Variants in APLF observed in about 807,000 individuals in gnomAD.
APLF encodes the protein aprataxin and PNK-like factor.
In APLF, 61 loss-of-function variants were observed where a neutral mutation model predicts 55.6. The observed-to-expected ratio is 1.10, with a 90% CI of 0.89 to 1.36. The LOEUF is 1.36. APLF is among the 40% of genes most tolerant of loss of function. The pLI is 0.00. For synonymous variants in APLF, 207 were observed against 214.8 expected, an observed-to-expected ratio of 0.96 and a Z score of 0.32; for missense variants, 611 against 602.5, an observed-to-expected ratio of 1.01 and a Z score of -0.15.
chr2:68,494,669 G>C (rs1225825114), intron 2 of APLF, among the ~76,000 whole-genome samples: 1 of 151,994 alleles, frequency 6.6e-6, no homozygotes, highest in Non-Finnish European at 1.5e-5. Context: ...CCACTCTTTA[G>C]TAGGCCCCAT....
At chr2:68,482,860 A>G (rs576876213) in intron 1 of APLF, among the ~76,000 whole-genome samples, 24 of 152,084 alleles carry the variant, frequency 1.6e-4, no homozygotes, top group Admixed American at 1.0e-3. Context: ...TGAGCTCACA[A>G]TGGTTTGGCT....
At chr2:68,513,799 G>T in intron 5 of APLF, 119 bp downstream of exon 5, 1 of 1,158,892 alleles carries the variant, frequency 8.6e-7, no homozygotes, top group African/African-American at 1.6e-5. Context: ...TTGTGTAAGT[G>T]TATAGCCTAG....
intron 9 of APLF, among the ~76,000 whole-genome samples, chr2:68,573,371 T>C (rs1671535874): frequency 6.6e-6 from 1 of 152,102 alleles, no homozygotes; most frequent in South Asian, 2.1e-4. Context: ...GTTTGATGTG[T>C]AGTTTAAAAA....
At chr2:68,528,231 C>G in intron 6 of APLF, 1 of 1,181,892 alleles carries the variant, frequency 8.5e-7, no homozygotes, top group Non-Finnish European at 1.2e-6. Flanking sequence ...CGTGGGCCAC[C>G]ATGCCTGCCC....
At chr2:68,541,075 G>C (rs1036413249) in intron 7 of APLF, among the ~76,000 whole-genome samples, 11 of 152,104 alleles carry the variant, frequency 7.2e-5, no homozygotes, top group Admixed American at 7.2e-4. Flanking sequence ...TCAATGAGTG[G>C]TGTTTGGTAA....
At chr2:68,492,302 C>T (rs960660877) in intron 2 of APLF, among the ~76,000 whole-genome samples, 2 of 151,928 alleles carry the variant, frequency 1.3e-5, no homozygotes, top group South Asian at 2.1e-4. Flanking sequence ...CACGGTGAAA[C>T]GCCGTCTCTA....
At chr2:68,491,181 C>T (rs1023460953) in intron 2 of APLF, among the ~76,000 whole-genome samples, 15 of 152,136 alleles carry the variant, frequency 9.9e-5, no homozygotes, top group South Asian at 4.1e-4. Context: ...TATGTCTCAT[C>T]TTCATTCTGC....
At position 68,527,557 on chromosome 2, in the gene APLF, C is replaced by T. The variant is rs187739851; in HGVS notation, c.804+1315C>T. On this transcript the variant is annotated intron_variant, in intron 6 of 9. Coordinates refer to ENST00000303795, the MANE Select transcript of APLF (RefSeq NM_173545.3). ...AGACAGGGCAGTGGCCAGGCAGAAGCGCTCCTCACTTCCCAGAGTGTAAGG... is the reference window on the plus strand; with the variant it reads ...AGACAGGGCAGTGGCCAGGCAGAAGTGCTCCTCACTTCCCAGAGTGTAAGG... 6.5e-3 allele frequency among the ~76,000 whole-genome samples: 983 copies of T among 150,130 alleles called. 46 individuals carry two copies. Among genetic ancestry groups the T allele is most frequent in the Admixed American group, 0.056 (846 of 15,122 alleles).
At chr2:68,551,596 T>C (rs2104029720) in intron 8 of APLF, among the ~76,000 whole-genome samples, 1 of 143,950 alleles carries the variant, frequency 6.9e-6, no homozygotes, top group African/African-American at 2.7e-5. Context: ...ATTTAATTCT[T>C]CTTCTTCTTT....
At chr2:68,547,276 A>G (rs186321828) in intron 8 of APLF, among the ~76,000 whole-genome samples, 12 of 151,980 alleles carry the variant, frequency 7.9e-5, no homozygotes, top group African/African-American at 2.9e-4. Context: ...AATGTTCATG[A>G]TTGAATTATT....
chr2:68,539,672 A>T (rs1485035239), intron 7 of APLF, among the ~76,000 whole-genome samples: 2 of 152,212 alleles, frequency 1.3e-5, no homozygotes, highest in Admixed American at 1.3e-4. Context: ...ATCTCAATAG[A>T]GAAAAGTCAT....
rs372549652 is a variant in APLF at position 68,577,804 on chromosome 2, A to G, written c.1334-16A>G. 74 of 1,612,610 alleles carry G rather than the reference A, an allele frequency of 4.6e-5. No homozygotes were observed. Among genetic ancestry groups the G allele is most frequent in the Non-Finnish European group, 6.2e-5 (73 of 1,179,074 alleles). On this transcript the variant is annotated splice_polypyrimidine_tract_variant and intron_variant, in intron 9 of 9. Transcript: ENST00000303795. ...GTGGTGATTGATGTGTTGTGTACCA[A>G]TCTTCTGTTTTGCAGTGAGAAATGT... is the stretch of plus-strand genomic sequence containing the variant.
intron 9 of APLF, among the ~76,000 whole-genome samples, chr2:68,570,600 A>T (rs1185348056): frequency 6.6e-6 from 1 of 152,110 alleles, no homozygotes; most frequent in Non-Finnish European, 1.5e-5. Context: ...AGCTTCATCC[A>T]TGTCCCTGCA....
chr2:68,516,808 G>A (rs1022871877), intron 5 of APLF, among the ~76,000 whole-genome samples: 2 of 143,178 alleles, frequency 1.4e-5, no homozygotes, highest in African/African-American at 5.2e-5. Context: ...TGGTGTATTT[G>A]TATATATATA....
In APLF at chr2:68,537,057, C is replaced by T. The variant is rs532847792; in HGVS notation, c.805-815C>T. On this transcript the variant is annotated intron_variant, in intron 6 of 9. Coordinates refer to ENST00000303795, the MANE Select transcript of APLF (RefSeq NM_173545.3). ...GCATGTGCCTGTAATCCCAGCTACT[C>T]GGGAGCCTGAGGTGGGAGAATCACT... Among the ~76,000 whole-genome samples the T allele has an allele frequency of 1.7e-4, 26 of 151,578 alleles. No individual in the cohort carries two copies. In the East Asian group the frequency reaches 3.7e-3, roughly 22 times the overall value.
At chr2:68,517,499 GT>G (rs976766344) in intron 5 of APLF, among the ~76,000 whole-genome samples, 1 of 138,010 alleles carries the variant, frequency 7.2e-6, no homozygotes, top group African/African-American at 2.6e-5. Context: ...ATATCAATAT[GT>G]TATCACTATA....
chr2:68,550,732 C>A (rs1670836789), intron 8 of APLF, among the ~76,000 whole-genome samples: 1 of 152,054 alleles, frequency 6.6e-6, no homozygotes, highest in Non-Finnish European at 1.5e-5. Flanking sequence ...TGACTTATTA[C>A]AATCTACCTT....
At chr2:68,468,989 G>GGT (rs34695552) in intron 1 of APLF, among the ~76,000 whole-genome samples, 9,057 of 146,348 alleles carry the variant, frequency 0.062, 424 homozygotes, top group African/African-American at 0.13. Context: ...GTCCTAAAGG[G>GGT]GTGTGTGTGT....
chr2:68,477,113 A>G (rs1573146652), intron 1 of APLF, among the ~76,000 whole-genome samples: 1 of 152,322 alleles, frequency 6.6e-6, no homozygotes, highest in East Asian at 1.9e-4. Flanking sequence ...ACATACACAC[A>G]CAAACACAGA....
Sources: gnomAD v4.1 joint callset for allele counts (sites outside exome capture counted in the v4.1 genomes callset) on GRCh38, gnomAD v4.1.1 for gene constraint, MANE v1.5 for transcripts, NCBI Gene and HGNC (gene_info 2026-07-23, HGNC 2026-07-21) for gene names.